SALL2: variants seen among roughly 807,000 people sequenced by gnomAD.
SALL2 encodes the protein sal-like protein 2.
A neutral mutation model predicts 58.5 loss-of-function variants in SALL2; 32 were observed. The ratio of observed to expected loss-of-function variants is 0.55; its 90% CI spans 0.41 to 0.74. The LOEUF is 0.74. Ranked by LOEUF, SALL2 falls within the 30% of genes least tolerant of loss-of-function variation. SALL2 has a pLI of 0.00. For synonymous variants in SALL2, 516 were observed against 513.6 expected (o/e 1.00, Z -0.06); for missense variants, 1,201 against 1,268.9 (o/e 0.95, Z 0.81).
At chr14:21,536,370 G>T (rs1183176067) in intron 1 of SALL2, among the ~76,000 whole-genome samples, 1 of 152,092 alleles carries the variant, frequency 6.6e-6, no homozygotes, top group Non-Finnish European at 1.5e-5. Context: ...AGCTCTGATC[G>T]GCTCTCAGTT....
In SALL2 at chr14:21,523,050, T is replaced by C. The variant is rs1892107341; in HGVS notation, c.2672A>G (p.Glu891Gly). 1.2e-6 allele frequency: 2 copies of C among 1,614,138 alleles called. No individual in the cohort carries two copies. Among genetic ancestry groups the C allele is most frequent in the Non-Finnish European group, 1.7e-6 (2 of 1,180,020 alleles). The change falls in exon 2 of 2, where the codon GAG (glutamate) becomes GGG (glycine). Residue 891 changes from glutamate (E) to glycine (G), a missense_variant. Coordinates refer to ENST00000537235, the MANE Select transcript of SALL2 (RefSeq NM_001364564.1). This position sits in a 1 kb window ranked among gnomAD's most constrained non-coding sequence, Gnocchi z 4.4. ...TCTCATTGCCTCCTGCAGGCTCAGCTCCTCTACCAAGGTCACGCTGGTGGC... is the reference window on the plus strand; with the variant it reads ...TCTCATTGCCTCCTGCAGGCTCAGCCCCTCTACCAAGGTCACGCTGGTGGC... ...GEATSVTLVEELSLQEAMRKE... is the reference protein window; with the variant it reads ...GEATSVTLVEGLSLQEAMRKE...
At chr14:21,526,353 A>AG, upstream of SALL2, 3 of 1,315,676 alleles carry the variant, frequency 2.3e-6, no homozygotes, top group South Asian at 1.7e-5. Context: ...ATCTGGGAGG[A>AG]GCTGATGAGG....
intron 1 of SALL2, among the ~76,000 whole-genome samples, chr14:21,534,602 A>T (rs1220554992): frequency 2.0e-5 from 3 of 152,040 alleles, no homozygotes; most frequent in Admixed American, 6.6e-5. Context: ...GGAATGGGTG[A>T]GCAGATGGAG....
intron 1 of SALL2, among the ~76,000 whole-genome samples, chr14:21,531,676 G>A (rs1892465909): frequency 6.7e-6 from 1 of 148,198 alleles, no homozygotes; most frequent in African/African-American, 2.5e-5. Context: ...CCAAAGTGCT[G>A]GATTACAGGC....
At chr14:21,528,554 G>T (rs758304601), upstream of SALL2, among the ~76,000 whole-genome samples, 1 of 152,114 alleles carries the variant, frequency 6.6e-6, no homozygotes, top group Non-Finnish European at 1.5e-5. Context: ...AAATGGACGG[G>T]TTCTGTGCTT....
Position 21,525,425 on chromosome 14 carries a change from A to C in SALL2, c.297T>G (p.Asp99Glu). The change falls in exon 2 of 2, where the codon GAT becomes GAG. Residue 99 changes from aspartate (D) to glutamate (E), a missense_variant. Around this residue, in one of 3 missense-constraint regions of SALL2, gnomAD observed 467 missense variants for 468.9 expected, o/e 1.00. Coordinates refer to ENST00000537235, the MANE Select transcript of SALL2 (RefSeq NM_001364564.1). The surrounding 1 kb of genome is among the most constrained non-coding windows in gnomAD (Gnocchi z 4.4). ...GATCCGTGGGCACGGAGGACCCAGA[A>C]TCTGGGGGGTTGCTATGCTCTGTGT... ...VMDTEHSNPPDSGSSVPTDPT... is the reference protein window; with the variant it reads ...VMDTEHSNPPESGSSVPTDPT... 1 of 1,613,948 alleles carries C rather than the reference A, an allele frequency of 6.2e-7. No homozygotes were observed. The highest frequency in any genetic ancestry group is 8.5e-7 in the Non-Finnish European group (1 of 1,179,928).
upstream of SALL2, among the ~76,000 whole-genome samples, chr14:21,528,701 A>G (rs1437057632): frequency 6.6e-6 from 1 of 152,224 alleles, no homozygotes; most frequent in Non-Finnish European, 1.5e-5. Context: ...CCAAGTTCAC[A>G]CAGTAATTCA....
rs756676999 is a variant in SALL2 at position 21,524,848 on chromosome 14, G to A, written c.874C>T (p.Arg292Ter). 2 of 1,613,226 alleles carry A rather than the reference G, an allele frequency of 1.2e-6. No homozygotes were observed. Among genetic ancestry groups the A allele is most frequent in the Non-Finnish European group, 1.7e-6 (2 of 1,179,590 alleles). Residue 292 changes from arginine to a stop codon, truncating the protein, a stop_gained, in exon 2 of 2, where the codon CGA (arginine) becomes TGA (stop). Coordinates refer to ENST00000537235, the MANE Select transcript of SALL2 (RefSeq NM_001364564.1). LOFTEE classifies it high-confidence loss of function. ...GGGGCAGGGGTGGGTTTGTGGCTTC[G>A]CCCAACCCCTCCAGCAGAGAAAGGA... ...QHPFSAGGVG[R>*]SHKPTPAPSP...
rs928211347 is a variant in SALL2, at chr14:21,522,219, T to G, written c.*485A>C. ...ATTCCAGGGCTTCATGGGCAGGCCA[T>G]TTGACAGGAATGCCACATACTGGTT... On this transcript the variant is annotated 3_prime_UTR_variant, in exon 2 of 2. Coordinates refer to ENST00000537235, the MANE Select transcript of SALL2 (RefSeq NM_001364564.1). 6.9e-6 allele frequency: 11 copies of G among 1,596,176 alleles called. No individual in the cohort carries two copies. The highest frequency in any genetic ancestry group is 8.5e-6 in the Non-Finnish European group (10 of 1,179,084).
In SALL2 at chr14:21,522,978, C is replaced by A. The variant is rs1484234476; in HGVS notation, c.2744G>T (p.Gly915Val). The A allele has an allele frequency of 4.3e-6, 7 of 1,614,124 alleles. No individual in the cohort carries two copies. Among genetic ancestry groups the A allele is most frequent in the Non-Finnish European group, 5.9e-6 (7 of 1,180,026 alleles). Residue 915 changes from glycine to valine, a missense_variant, in exon 2 of 2, where the codon GGC (glycine) becomes GTC (valine). Transcript: ENST00000537235. ...AGCTGCCTGGGAGGGAAAGGCCTGG[C>A]CACACACTTCGCAGGCCTTTCTGCT... ...SSSRKACEVCGQAFPSQAALE... is the reference protein window; with the variant it reads ...SSSRKACEVCVQAFPSQAALE...
chr14:21,524,536 C>T lies in SALL2; in HGVS notation c.1186G>A (p.Glu396Lys), dbSNP rs768736289. ...LQIHLRSHTG[E>K]RPYKCNVCGN... ...CAGACATTGCACTTATAGGGCCTCT[C>T]ACCCGTGTGGGAACGAAGGTGGATC... is the stretch of plus-strand genomic sequence containing the variant. Residue 396 changes from glutamate (E) to lysine (K), a missense_variant, in exon 2 of 2, where the codon GAG becomes AAG. Glu to Lys is a moderately conservative substitution (Grantham distance 56). Transcript: ENST00000537235. 6 of 1,614,136 alleles carry T rather than the reference C, an allele frequency of 3.7e-6. No individual in the cohort carries two copies.
chr14:21,522,524 G>T lies in SALL2; in HGVS notation c.*180C>A. On this transcript the variant is annotated 3_prime_UTR_variant, in exon 2 of 2. Transcript: ENST00000537235. ...GGAGGGAAGAAAAATTCCTTAGGGG[G>T]CCATCCCCTTGTAAGCACAGTAATT... The T allele has an allele frequency of 7.2e-7, 1 of 1,386,408 alleles. No individual in the cohort carries two copies. The highest frequency in any genetic ancestry group is 9.3e-7 in the Non-Finnish European group (1 of 1,074,722). 85.9% of individuals were successfully genotyped at this position (1,386,408 alleles called of 1,614,324 possible).
Position 21,523,516 on chromosome 14 carries a change from C to G in SALL2, c.2206G>C (p.Glu736Gln), listed in dbSNP as rs1377909468. The change falls in exon 2 of 2, where the codon GAG becomes CAG. Residue 736 changes from glutamate to glutamine, a missense_variant. Coordinates refer to ENST00000537235, the MANE Select transcript of SALL2 (RefSeq NM_001364564.1). This position sits in a 1 kb window ranked among gnomAD's most constrained non-coding sequence, Gnocchi z 4.4. ...CGTGCCCCGGAGACTGTAGATTGCT[C>G]GGAGCCATTCTCCTGAGCAGCTCCT... ...GGGAAQENGS[E>Q]QSTVSGARSF... 2 of 1,614,052 alleles carry G rather than the reference C, an allele frequency of 1.2e-6. No individual in the cohort carries two copies. Among genetic ancestry groups the G allele is most frequent in the African/African-American group, 1.3e-5 (1 of 74,912 alleles).
intron 1 of SALL2, chr14:21,536,942 G>A: frequency 1.2e-6 from 2 of 1,611,826 alleles, no homozygotes; most frequent in South Asian, 1.1e-5. Flanking sequence ...AGAGTTGGGA[G>A]AGGGAGGGGC....
upstream of SALL2, chr14:21,526,416 G>A: frequency 2.2e-6 from 3 of 1,362,498 alleles, no homozygotes; most frequent in Non-Finnish European, 2.8e-6. Context: ...GCTAGAGGAG[G>A]CGGGAGAAGG....
chr14:21,525,428 T>G lies in SALL2; in HGVS notation c.294A>C (p.Pro98=). 6.2e-7 allele frequency: 1 copy of G among 1,613,930 alleles called. No individual in the cohort carries two copies. Among genetic ancestry groups the G allele is most frequent in the Non-Finnish European group, 8.5e-7 (1 of 1,179,922 alleles). Reference sequence around the variant, plus strand: ...CCGTGGGCACGGAGGACCCAGAATCTGGGGGGTTGCTATGCTCTGTGTCCA... The same window carrying G: ...CCGTGGGCACGGAGGACCCAGAATCGGGGGGGTTGCTATGCTCTGTGTCCA... ...QVMDTEHSNP[P]DSGSSVPTDP... Residue 98 remains proline, a synonymous_variant, in exon 2 of 2, where the codon CCA becomes CCC. Coordinates refer to ENST00000537235, the MANE Select transcript of SALL2 (RefSeq NM_001364564.1). This position sits in a 1 kb window ranked among gnomAD's most constrained non-coding sequence, Gnocchi z 4.4.
Position 21,523,066 on chromosome 14 carries a change from C to A in SALL2, c.2656G>T (p.Val886Leu), listed in dbSNP as rs142127241. The A allele has an allele frequency of 1.2e-6, 2 of 1,614,114 alleles. No individual in the cohort carries two copies. Among genetic ancestry groups the A allele is most frequent in the Non-Finnish European group, 1.7e-6 (2 of 1,180,020 alleles). ...AGGCTCAGCTCCTCTACCAAGGTCA[C>A]GCTGGTGGCTTCCCCTTCTGGGGTG... ...ALTPEGEATS[V>L]TLVEELSLQE... The change falls in exon 2 of 2, where the codon GTG becomes TTG. Residue 886 changes from valine (V) to leucine (L), a missense_variant. Physicochemically the swap from Val to Leu is conservative, Grantham distance 32. Coordinates refer to ENST00000537235, the MANE Select transcript of SALL2 (RefSeq NM_001364564.1). This position sits in a 1 kb window ranked among gnomAD's most constrained non-coding sequence, Gnocchi z 4.4.
At chr14:21,530,363 C>T (rs1185334770), upstream of SALL2, among the ~76,000 whole-genome samples, 3 of 148,404 alleles carry the variant, frequency 2.0e-5, no homozygotes, top group South Asian at 2.1e-4. Flanking sequence ...TCTCGGCTCA[C>T]CGCAACCTCC....
chr14:21,522,118 C>T lies in SALL2; in HGVS notation c.*586G>A. 2 of 1,597,926 alleles carry T rather than the reference C, an allele frequency of 1.3e-6. No homozygotes were observed. The highest frequency in any genetic ancestry group is 2.2e-5 in the East Asian group (1 of 44,868). On this transcript the variant is annotated 3_prime_UTR_variant, in exon 2 of 2. Transcript: ENST00000537235. ...TCCCTGGATCCCATTGTTGGAGGCA[C>T]CTTCCCAGCCACAGTTCCTAGGCCA...
Sources: gnomAD v4.1 joint callset for allele counts (sites outside exome capture counted in the v4.1 genomes callset) on GRCh38, gnomAD v4.1.1 for gene constraint, gnomAD v4.1.1 regional missense constraint, Gnocchi (gnomAD v3.1) non-coding constraint, MANE v1.5 for transcripts, NCBI Gene and HGNC (gene_info 2026-07-23, HGNC 2026-07-21) for gene names.